Variants in CTNNA3 observed in about 807,000 individuals in gnomAD.
The protein encoded by CTNNA3 is catenin alpha-3.
CTNNA3 carries 76 observed loss-of-function variants against 95.7 expected under a neutral mutation model. That is an observed-to-expected ratio of 0.79 (90% CI 0.66 to 0.96). CTNNA3 has a LOEUF of 0.96. Ranked by LOEUF, CTNNA3 falls within the 40% of genes least tolerant of loss-of-function variation. The pLI, the probability that CTNNA3 is intolerant of heterozygous loss-of-function variation, is 0.00. For synonymous variants in CTNNA3, 431 were observed against 374.4 expected (o/e 1.15, Z -1.74); for missense variants, 1,191 against 1,089.8 (o/e 1.09, Z -1.31).
At chr10:66,059,504 G>C (rs553639366) in intron 15 of CTNNA3, among the ~76,000 whole-genome samples, 60 of 152,042 alleles carry the variant, frequency 3.9e-4, no homozygotes, top group Non-Finnish European at 6.9e-4. Context: ...ATTCCTTTCA[G>C]AGATGAATTT....
intron 11 of CTNNA3, among the ~76,000 whole-genome samples, chr10:66,441,095 G>A (rs894394304): frequency 2.6e-5 from 4 of 152,152 alleles, no homozygotes; most frequent in African/African-American, 7.2e-5. Flanking sequence ...ACACCTGGGA[G>A]GCCAAGGTGG....
At chr10:66,999,623 T>C (rs780964178) in intron 7 of CTNNA3, among the ~76,000 whole-genome samples, 1 of 152,164 alleles carries the variant, frequency 6.6e-6, no homozygotes, top group Non-Finnish European at 1.5e-5. Flanking sequence ...TAAATGGTGC[T>C]TCCGGAAACA....
intron 5 of CTNNA3, among the ~76,000 whole-genome samples, chr10:67,303,237 C>T (rs1840400759): frequency 6.6e-6 from 1 of 152,230 alleles, no homozygotes; most frequent in Admixed American, 6.5e-5. Flanking sequence ...ATAGAGACAA[C>T]CACCTTGAGA....
intron 7 of CTNNA3, among the ~76,000 whole-genome samples, chr10:67,056,910 T>G (rs1855466549): frequency 6.6e-6 from 1 of 152,170 alleles, no homozygotes; most frequent in Non-Finnish European, 1.5e-5. Flanking sequence ...TGTGGTGGCC[T>G]GAGTGAATCT....
chr10:66,081,330 G>C (rs1467452242), intron 14 of CTNNA3, among the ~76,000 whole-genome samples: 1 of 152,066 alleles, frequency 6.6e-6, no homozygotes, highest in East Asian at 1.9e-4. Context: ...GAAACAGGAT[G>C]TCCAGGCCTG....
chr10:67,344,713 T>C (rs970683353), intron 5 of CTNNA3, among the ~76,000 whole-genome samples: 1 of 152,088 alleles, frequency 6.6e-6, no homozygotes, highest in African/African-American at 2.4e-5. Flanking sequence ...TCATATGTGA[T>C]TTTATTTATT....
chr10:66,019,921 T>C (rs980715960), intron 15 of CTNNA3, among the ~76,000 whole-genome samples: 3 of 152,184 alleles, frequency 2.0e-5, no homozygotes, highest in African/African-American at 7.2e-5. Flanking sequence ...TAACACAATA[T>C]TACATTCAGT....
intron 13 of CTNNA3, among the ~76,000 whole-genome samples, chr10:66,263,730 C>T (rs1424418511): frequency 6.6e-6 from 1 of 151,978 alleles, no homozygotes; most frequent in Non-Finnish European, 1.5e-5. Flanking sequence ...GAGTGTTTAG[C>T]TCTTTTTGCC....
At chr10:67,480,863 G>A (rs901681336) in intron 5 of CTNNA3, among the ~76,000 whole-genome samples, 2 of 152,076 alleles carry the variant, frequency 1.3e-5, no homozygotes, top group African/African-American at 2.4e-5. Flanking sequence ...TCTTGGCAAC[G>A]ATACTAGCAA....
chr10:66,152,608 T>A (rs1305549692), intron 13 of CTNNA3, among the ~76,000 whole-genome samples: 2 of 151,696 alleles, frequency 1.3e-5, no homozygotes, highest in Non-Finnish European at 2.9e-5. Flanking sequence ...TGAGAAAGAG[T>A]GTATAAGTTT....
At chr10:66,659,808 A>G (rs1359587837) in intron 9 of CTNNA3, among the ~76,000 whole-genome samples, 7 of 152,210 alleles carry the variant, frequency 4.6e-5, no homozygotes, top group African/African-American at 7.2e-5. Flanking sequence ...TTGATCTTAG[A>G]CTTCCCAACC....
At chr10:66,817,165 G>A (rs1393590543) in intron 7 of CTNNA3, among the ~76,000 whole-genome samples, 3 of 151,752 alleles carry the variant, frequency 2.0e-5, no homozygotes, top group Non-Finnish European at 4.4e-5. Flanking sequence ...AAATCACCAC[G>A]AAAGAACTTA....
chr10:66,559,438 C>A (rs960881903), intron 10 of CTNNA3, among the ~76,000 whole-genome samples: 1 of 148,356 alleles, frequency 6.7e-6, no homozygotes, highest in Admixed American at 6.9e-5. Flanking sequence ...AATGTTGCAG[C>A]TTTTTTAAAT....
intron 13 of CTNNA3, among the ~76,000 whole-genome samples, chr10:66,166,823 A>G (rs10996945): frequency 0.16 from 23,599 of 152,144 alleles, 2,257 homozygotes; most frequent in Middle Eastern, 0.23. Flanking sequence ...TGATGGCAGA[A>G]AAAGAAAAAT....
chr10:67,549,171 A>G (rs1244319669), intron 3 of CTNNA3, among the ~76,000 whole-genome samples: 1 of 152,216 alleles, frequency 6.6e-6, no homozygotes, highest in Non-Finnish European at 1.5e-5. Context: ...GGACCAAAAA[A>G]AAATCAATGT....
intron 13 of CTNNA3, among the ~76,000 whole-genome samples, chr10:66,182,001 A>T (rs887482650): frequency 6.6e-6 from 1 of 152,170 alleles, no homozygotes; most frequent in Non-Finnish European, 1.5e-5. Context: ...TGCAATTGCT[A>T]ATGTTGTGTA....
intron 10 of CTNNA3, among the ~76,000 whole-genome samples, chr10:66,554,377 A>T (rs562005563): frequency 1.3e-5 from 2 of 152,104 alleles, no homozygotes. Context: ...GACTCTTTAA[A>T]TCTATTATCT....
intron 15 of CTNNA3, among the ~76,000 whole-genome samples, chr10:65,989,490 A>G (rs2078495112): frequency 6.6e-6 from 1 of 152,112 alleles, no homozygotes; most frequent in Non-Finnish European, 1.5e-5. Context: ...TTTGGATATT[A>G]TATGTATCTA....
chr10:66,520,168 G>T (rs776624673), intron 11 of CTNNA3, among the ~76,000 whole-genome samples: 8 of 149,904 alleles, frequency 5.3e-5, no homozygotes, highest in Non-Finnish European at 1.0e-4. Context: ...CTAATACATA[G>T]CAACATATTG....
Sources: allele counts gnomAD v4.1 joint callset (sites outside exome capture counted in the v4.1 genomes callset), GRCh38; gene constraint gnomAD v4.1.1; transcripts MANE v1.5; gene names NCBI Gene and HGNC (gene_info 2026-07-23, HGNC 2026-07-21).